Variants in UBE2J1 observed in about 807,000 individuals in gnomAD.
UBE2J1 encodes the protein ubiquitin conjugating enzyme E2 J1, also known as ubiquitin-conjugating enzyme E2 J1.
In UBE2J1, 17 loss-of-function variants were observed where a neutral mutation model predicts 42.1. The observed-to-expected ratio is 0.40, with a 90% confidence interval of 0.28 to 0.61. The LOEUF (loss-of-function observed/expected upper bound fraction) is 0.61. Ranked by LOEUF, UBE2J1 falls within the 20% of genes least tolerant of loss-of-function variation. UBE2J1 has a pLI of 0.38. For synonymous variants in UBE2J1, 127 were observed against 137.2 expected (o/e 0.93, Z 0.52); for missense variants, 291 against 389.4 (o/e 0.75, Z 2.13).
chr6:89,350,284 T>C (rs375321810), intron 1 of UBE2J1, among the ~76,000 whole-genome samples: 37 of 152,340 alleles, frequency 2.4e-4, no homozygotes, highest in African/African-American at 8.7e-4. Context: ...CCACATCAGA[T>C]AAAGAGTAAA....
At chr6:89,339,447 AGAG>A (rs1250557621) in intron 3 of UBE2J1, among the ~76,000 whole-genome samples, 2 of 47,792 alleles carry the variant, frequency 4.2e-5, no homozygotes, top group Non-Finnish European at 8.0e-5. Context: ...AGAAAAAAAA[AGAG>A]GAGAGGAGGG....
intron 3 of UBE2J1, among the ~76,000 whole-genome samples, chr6:89,341,425 T>A (rs1768244373): frequency 6.6e-6 from 1 of 152,152 alleles, no homozygotes; most frequent in Non-Finnish European, 1.5e-5. Context: ...AGCTTAACAA[T>A]TAAAGAGGAA....
Position 89,352,590 on chromosome 6 carries a change from C to T in UBE2J1, c.-21G>A. On this transcript the variant is annotated 5_prime_UTR_variant, in exon 1 of 8. Transcript: ENST00000435041. ...TCCATGGTGGGTCGCTGGCTTGGCTCCGGCCTCCCGGGCCGCTGCCACCTC... is the reference window on the plus strand; with the variant it reads ...TCCATGGTGGGTCGCTGGCTTGGCTTCGGCCTCCCGGGCCGCTGCCACCTC... 6.4e-7 allele frequency: 1 copy of T among 1,556,246 alleles called. No individual in the cohort carries two copies. Among genetic ancestry groups the T allele is most frequent in the Non-Finnish European group, 8.6e-7 (1 of 1,158,954 alleles).
rs1188740063 is a variant in UBE2J1 at position 89,328,594 on chromosome 6, TATG to T, written c.*1082_*1084del. On this transcript the variant is annotated 3_prime_UTR_variant, in exon 8 of 8. Transcript: ENST00000435041. ...GTGATTATATGGTTTCACCAGCCAT[TATG>T]ATGATAATATTATCTACTAGAGTCT... is the stretch of plus-strand genomic sequence containing the variant. 1 of 152,212 alleles carries T rather than the reference TATG, an allele frequency of 6.6e-6. No individual in the cohort carries two copies. The highest frequency in any genetic ancestry group is 2.4e-5 in the African/African-American group (1 of 41,454). 9.4% of individuals were successfully genotyped at this position (152,212 alleles called of 1,614,324 possible).
Position 89,326,637 on chromosome 6 carries a change from C to T in UBE2J1, c.*3042G>A, listed in dbSNP as rs921462553. ...GTCAAAAACAAGGTATGAGTAAAGT[C>T]ACTGGTTTTATTGAGCAGCTCAAAC... On this transcript the variant is annotated 3_prime_UTR_variant, in exon 8 of 8. Transcript: ENST00000435041. 2 of 152,186 alleles carry T rather than the reference C, an allele frequency of 1.3e-5. No individual in the cohort carries two copies. Among genetic ancestry groups the T allele is most frequent in the Non-Finnish European group, 2.9e-5 (2 of 68,036 alleles). 9.4% of individuals were successfully genotyped at this position (152,186 alleles called of 1,614,324 possible).
intron 5 of UBE2J1, 131 bp from the exon 6 acceptor site, chr6:89,335,562 C>T (rs1303248793): frequency 1.8e-6 from 1 of 566,108 alleles, no homozygotes; most frequent in Non-Finnish European, 2.8e-6. Context: ...CACATTTATC[C>T]ACATGCTATG....
intron 1 of UBE2J1, among the ~76,000 whole-genome samples, chr6:89,348,215 G>T (rs1213607094): frequency 2.0e-5 from 3 of 152,164 alleles, no homozygotes; most frequent in Admixed American, 1.3e-4. Flanking sequence ...GATAAGATGT[G>T]CCAGGAAAGG....
At position 89,335,444 on chromosome 6, in the gene UBE2J1, G is replaced by T. The variant is rs199947567; in HGVS notation, c.429-13C>A. On this transcript the variant is annotated splice_polypyrimidine_tract_variant and intron_variant, in intron 5 of 7. Transcript: ENST00000435041. Reference sequence around the variant, plus strand: ...GAAATCTTGTGATCTAGTAGAAAAAGATTTTTTAAATGAAAATAAATAGTT... The same window carrying T: ...GAAATCTTGTGATCTAGTAGAAAAATATTTTTTAAATGAAAATAAATAGTT... 2 of 1,534,932 alleles carry T rather than the reference G, an allele frequency of 1.3e-6. No homozygotes were observed. Among genetic ancestry groups the T allele is most frequent in the Non-Finnish European group, 8.8e-7 (1 of 1,134,952 alleles).
chr6:89,332,384 T>G (rs1768026023), intron 7 of UBE2J1, among the ~76,000 whole-genome samples: 1 of 152,160 alleles, frequency 6.6e-6, no homozygotes, highest in Non-Finnish European at 1.5e-5. Flanking sequence ...GCCAAACAAT[T>G]TCTTAGACAA....
intron 3 of UBE2J1, among the ~76,000 whole-genome samples, chr6:89,340,543 A>G (rs1459892107): frequency 2.0e-5 from 3 of 152,194 alleles, no homozygotes; most frequent in East Asian, 1.9e-4. Flanking sequence ...AGCAGCTTCT[A>G]TATGTCAGGT....
chr6:89,347,399 T>C (rs1286808245), intron 1 of UBE2J1, among the ~76,000 whole-genome samples: 5 of 152,250 alleles, frequency 3.3e-5, no homozygotes, highest in Non-Finnish European at 5.9e-5. Context: ...GAAGTCAGAT[T>C]TTATGTCATT....
At chr6:89,343,162 T>A (rs1054200939) in intron 2 of UBE2J1, among the ~76,000 whole-genome samples, 1 of 152,024 alleles carries the variant, frequency 6.6e-6, no homozygotes, top group African/African-American at 2.4e-5. Context: ...CTCGGCCGGG[T>A]GCAGTGGCTC....
chr6:89,334,670 C>T (rs1768076559), intron 6 of UBE2J1, among the ~76,000 whole-genome samples: 1 of 151,824 alleles, frequency 6.6e-6, no homozygotes, highest in African/African-American at 2.4e-5. Flanking sequence ...GGGGTTTCTC[C>T]ATGTTGAGGC....
In UBE2J1 at chr6:89,335,032, C is replaced by T. The variant is rs188358180; in HGVS notation, c.558+270G>A. On this transcript the variant is annotated intron_variant, in intron 6 of 7. Coordinates refer to ENST00000435041, the MANE Select transcript of UBE2J1 (RefSeq NM_016021.3). ...TGTATACCAGAGTTCAAGTTTCACTCCCTCACTATTCTATAAAGCTTTCAT... is the reference window on the plus strand; with the variant it reads ...TGTATACCAGAGTTCAAGTTTCACTTCCTCACTATTCTATAAAGCTTTCAT... Among the ~76,000 whole-genome samples the T allele has an allele frequency of 2.2e-3, 337 of 152,218 alleles. 1 individual carries two copies. Among genetic ancestry groups the T allele is most frequent in the Non-Finnish European group, 2.4e-3 (163 of 68,004 alleles).
At chr6:89,334,027 G>A (rs781703446) in intron 6 of UBE2J1, among the ~76,000 whole-genome samples, 8 of 152,030 alleles carry the variant, frequency 5.3e-5, no homozygotes, top group Non-Finnish European at 7.4e-5. Context: ...TTTTTGAGAT[G>A]GAGTCTCACT....
chr6:89,328,071 C>T lies in UBE2J1; in HGVS notation c.*1608G>A, dbSNP rs1335584646. On this transcript the variant is annotated 3_prime_UTR_variant, in exon 8 of 8. Coordinates refer to ENST00000435041, the MANE Select transcript of UBE2J1 (RefSeq NM_016021.3). Reference sequence around the variant, plus strand: ...ACAGATATAAAAAATAATCTGTAAACACCTTTAAAATGCGAATTTATTAAA... The same window carrying T: ...ACAGATATAAAAAATAATCTGTAAATACCTTTAAAATGCGAATTTATTAAA... 6.6e-6 allele frequency: 1 copy of T among 152,100 alleles called. No individual in the cohort carries two copies. The highest frequency in any genetic ancestry group is 1.5e-5 in the Non-Finnish European group (1 of 68,020). 9.4% of individuals were successfully genotyped at this position (152,100 alleles called of 1,614,324 possible).
At chr6:89,338,160 C>G (rs778163721) in intron 5 of UBE2J1, 45 bp downstream of exon 5, 2 of 1,429,856 alleles carry the variant, frequency 1.4e-6, no homozygotes, top group Non-Finnish European at 2.0e-6. Flanking sequence ...AGCCATTACC[C>G]TGAATACTAT....
In UBE2J1 at chr6:89,328,647, T is replaced by C. The variant is rs965019220; in HGVS notation, c.*1032A>G. On this transcript the variant is annotated 3_prime_UTR_variant, in exon 8 of 8. Transcript: ENST00000435041. ...TGTGGCGCTAGCTAGCACTAAGTTA[T>C]ATATTGATTTTTCCACTGAAAATTC... 6.6e-6 allele frequency: 1 copy of C among 152,224 alleles called. No homozygotes were observed. Among genetic ancestry groups the C allele is most frequent in the African/African-American group, 2.4e-5 (1 of 41,460 alleles). The allele number at this position is 152,224 out of a possible 1,614,324, so 9.4% of individuals were successfully genotyped here.
intron 7 of UBE2J1, among the ~76,000 whole-genome samples, chr6:89,330,803 T>C (rs1391360577): frequency 6.6e-6 from 1 of 152,090 alleles, no homozygotes; most frequent in Non-Finnish European, 1.5e-5. Flanking sequence ...CTTAAAAAGA[T>C]AAAAAATCAC....
Sources: allele counts gnomAD v4.1 joint callset (sites outside exome capture counted in the v4.1 genomes callset), GRCh38; gene constraint gnomAD v4.1.1; transcripts MANE v1.5; gene names NCBI Gene and HGNC (gene_info 2026-07-23, HGNC 2026-07-21).